The following ASIC2 variants were observed in gnomAD, a reference collection of about 807,000 sequenced individuals.
The protein encoded by ASIC2 is acid sensing ion channel subunit 2, also known as acid-sensing ion channel 2.
ASIC2 carries 25 observed loss-of-function variants against 57.3 expected under a neutral mutation model. That is an observed-to-expected ratio of 0.44 (90% CI 0.32 to 0.61). ASIC2 has a LOEUF of 0.61. ASIC2 is among the 20% of genes least tolerant of loss of function. The pLI is 0.06. For synonymous variants in ASIC2, 319 were observed against 307.5 expected, an observed-to-expected ratio of 1.04 and a Z score of -0.39; for missense variants, 641 against 738.1, an observed-to-expected ratio of 0.87 and a Z score of 1.52.
At chr17:33,707,338 T>C (rs1382764559) in intron 1 of ASIC2, among the ~76,000 whole-genome samples, 2 of 152,186 alleles carry the variant, frequency 1.3e-5, no homozygotes, top group East Asian at 3.8e-4. Flanking sequence ...ATTTCTTCAT[T>C]TCCTGGAACT....
At chr17:33,637,785 G>C (rs1184995363) in intron 1 of ASIC2, among the ~76,000 whole-genome samples, 1 of 152,162 alleles carries the variant, frequency 6.6e-6, no homozygotes, top group Non-Finnish European at 1.5e-5. Context: ...CTGAGCCCGT[G>C]GTATTACAGT....
intron 1 of ASIC2, among the ~76,000 whole-genome samples, chr17:33,381,167 G>A (rs1006849629): frequency 6.6e-6 from 1 of 152,188 alleles, no homozygotes; most frequent in African/African-American, 2.4e-5. Flanking sequence ...TCCATCTCCA[G>A]CAGACATTAA....
At chr17:33,739,836 AAG>A (rs944794790) in intron 1 of ASIC2, among the ~76,000 whole-genome samples, 2 of 151,658 alleles carry the variant, frequency 1.3e-5, no homozygotes, top group Non-Finnish European at 2.9e-5. Flanking sequence ...AAGAAAAAGA[AAG>A]AGAAAGAAAA....
intron 1 of ASIC2, among the ~76,000 whole-genome samples, chr17:33,765,719 A>G (rs1428466623): frequency 1.3e-5 from 2 of 152,182 alleles, no homozygotes; most frequent in South Asian, 4.1e-4. Context: ...TGGAGAACAG[A>G]TGGGGGACAT....
At chr17:33,525,486 G>C (rs1016371143) in intron 1 of ASIC2, among the ~76,000 whole-genome samples, 2 of 152,308 alleles carry the variant, frequency 1.3e-5, no homozygotes, top group African/African-American at 4.8e-5. Context: ...GTCAAGGTCA[G>C]AGCAATAAAA....
chr17:33,879,641 C>T (rs990386730), intron 1 of ASIC2, among the ~76,000 whole-genome samples: 1 of 152,114 alleles, frequency 6.6e-6, no homozygotes, highest in Non-Finnish European at 1.5e-5. Flanking sequence ...CTTAGACTCC[C>T]ACACAATAAT....
intron 1 of ASIC2, among the ~76,000 whole-genome samples, chr17:33,774,299 C>G (rs1314720587): frequency 6.6e-6 from 1 of 152,164 alleles, no homozygotes; most frequent in Admixed American, 6.5e-5. Context: ...GGATTTCACC[C>G]AAAGGCCAAC....
intron 1 of ASIC2, among the ~76,000 whole-genome samples, chr17:33,696,083 A>T (rs1908516813): frequency 6.6e-6 from 1 of 152,230 alleles, no homozygotes; most frequent in Admixed American, 6.5e-5. Context: ...TCAGTGTGGC[A>T]GTGAATATCC....
At chr17:33,577,745 G>C (rs956393402) in intron 1 of ASIC2, among the ~76,000 whole-genome samples, 2 of 152,070 alleles carry the variant, frequency 1.3e-5, no homozygotes, top group Non-Finnish European at 2.9e-5. Context: ...TGACTGCTCA[G>C]CCTCATTCCC....
At chr17:33,137,453 GA>G (rs1325932214) in intron 1 of ASIC2, among the ~76,000 whole-genome samples, 1 of 152,208 alleles carries the variant, frequency 6.6e-6, no homozygotes, top group African/African-American at 2.4e-5. Context: ...AAGGAGTGCA[GA>G]AATGAGGTGG....
chr17:34,097,030 G>A (rs1363447120), intron 1 of ASIC2, among the ~76,000 whole-genome samples: 1 of 151,964 alleles, frequency 6.6e-6, no homozygotes, highest in East Asian at 1.9e-4. Context: ...ACAAGATGAG[G>A]CTAGTTTAAA....
intron 1 of ASIC2, among the ~76,000 whole-genome samples, chr17:33,698,877 A>G (rs2142068098): frequency 6.6e-6 from 1 of 152,188 alleles, no homozygotes; most frequent in East Asian, 1.9e-4. Flanking sequence ...GATTCATTAC[A>G]GAGCCCCCAA....
At chr17:34,028,604 TC>T (rs1907466271) in intron 1 of ASIC2, among the ~76,000 whole-genome samples, 1 of 152,248 alleles carries the variant, frequency 6.6e-6, no homozygotes, top group Non-Finnish European at 1.5e-5. Flanking sequence ...GATCATTATT[TC>T]ACCAGCAGCC....
At position 33,526,737 on chromosome 17, in the gene ASIC2, G is replaced by A. The variant is rs190623206; in HGVS notation, c.556-414670C>T. Among the ~76,000 whole-genome samples, 495 of 151,906 alleles carry A rather than the reference G, an allele frequency of 3.3e-3. 1 individual carries two copies. Among genetic ancestry groups the A allele is most frequent in the African/African-American group, 0.011 (454 of 41,256 alleles). On this transcript the variant is annotated intron_variant, in intron 1 of 9. Coordinates refer to the ASIC2 transcript ENST00000359872. The stretch of plus-strand genomic sequence containing the variant: ...CTAGCATCTGAGAGATGGAAAGTCC[G>A]CCAACCAGACCTGGGCTGCCCACCC...
chr17:33,724,117 G>A (rs559971650), intron 1 of ASIC2, among the ~76,000 whole-genome samples: 25 of 152,152 alleles, frequency 1.6e-4, no homozygotes, highest in Non-Finnish European at 3.2e-4. Context: ...GAGATCTGAT[G>A]GTTTTATAAA....
chr17:33,220,045 C>T (rs1245165898), intron 1 of ASIC2, among the ~76,000 whole-genome samples: 2 of 152,164 alleles, frequency 1.3e-5, no homozygotes, highest in Non-Finnish European at 2.9e-5. Context: ...AAAAGGAACA[C>T]CATTTTCTTG....
At chr17:33,946,802 T>C (rs546356592) in intron 1 of ASIC2, among the ~76,000 whole-genome samples, 16 of 152,262 alleles carry the variant, frequency 1.1e-4, no homozygotes, top group Non-Finnish European at 2.1e-4. Flanking sequence ...TGGCATAGAT[T>C]GGCTTACATA....
At chr17:34,022,504 T>C (rs1907203926) in intron 1 of ASIC2, among the ~76,000 whole-genome samples, 1 of 152,138 alleles carries the variant, frequency 6.6e-6, no homozygotes, top group Non-Finnish European at 1.5e-5. Context: ...AAATTCTCTA[T>C]ATCTCTTAAT....
chr17:33,029,600 A>C (rs1049628484), intron 3 of ASIC2, among the ~76,000 whole-genome samples: 1 of 152,254 alleles, frequency 6.6e-6, no homozygotes, highest in Non-Finnish European at 1.5e-5. Context: ...ATATTTATAC[A>C]TAAGTCATTT....
Sources: allele counts gnomAD v4.1 joint callset (sites outside exome capture counted in the v4.1 genomes callset), GRCh38; gene constraint gnomAD v4.1.1; transcripts MANE v1.5; gene names NCBI Gene and HGNC (gene_info 2026-07-23, HGNC 2026-07-21).